Variants in MAGI2 observed in about 807,000 individuals in gnomAD.
MAGI2 encodes the protein membrane-associated guanylate kinase, WW and PDZ domain-containing protein 2.
In MAGI2, 35 loss-of-function variants were observed where a neutral mutation model predicts 133.3. The observed-to-expected ratio is 0.26, with a 90% confidence interval of 0.20 to 0.35. MAGI2 has a LOEUF of 0.35. MAGI2 is among the 10% of genes least tolerant of loss of function. MAGI2 has a pLI of 1.00. For missense variants in MAGI2, 1,636 were observed against 1,863.4 expected, an observed-to-expected ratio of 0.88 and a Z score of 2.25; for synonymous variants, 729 against 710.6, an observed-to-expected ratio of 1.03 and a Z score of -0.41.
intron 3 of MAGI2, among the ~76,000 whole-genome samples, chr7:78,604,745 C>T (rs556516678): frequency 6.6e-6 from 1 of 152,276 alleles, no homozygotes; most frequent in African/African-American, 2.4e-5. Context: ...TTCTCTGTTT[C>T]AATATATTGT....
intron 1 of MAGI2, chr7:79,177,181 A>G (rs532479000): frequency 2.0e-5 from 3 of 152,026 alleles, no homozygotes; most frequent in Non-Finnish European, 4.4e-5. Context: ...TTTCAATTAA[A>G]GGGAAATTAA....
chr7:78,133,194 A>G, intron 17 of MAGI2, 134 bp from the exon 18 acceptor site: 1 of 656,976 alleles, frequency 1.5e-6, no homozygotes, highest in Non-Finnish European at 2.6e-6. Context: ...AGGTTTTTAG[A>G]TAGCAGGTTA....
At chr7:78,461,560 T>A (rs921118596) in intron 6 of MAGI2, among the ~76,000 whole-genome samples, 5 of 151,998 alleles carry the variant, frequency 3.3e-5, no homozygotes, top group African/African-American at 1.2e-4. Context: ...AAACAAAGAT[T>A]TTTCCTGGTT....
intron 2 of MAGI2, among the ~76,000 whole-genome samples, chr7:78,910,260 A>ATTTT (rs1442379170): frequency 9.8e-6 from 1 of 102,354 alleles, no homozygotes; most frequent in Non-Finnish European, 2.0e-5. Context: ...ACTTAAAGTA[A>ATTTT]TTCTTTTTTT....
intron 2 of MAGI2, among the ~76,000 whole-genome samples, chr7:78,858,558 G>A (rs529928329): frequency 5.4e-4 from 82 of 152,198 alleles, no homozygotes; most frequent in African/African-American, 1.9e-3. Context: ...GTAGTTGAGC[G>A]GTTTTGAGTG....
At chr7:78,250,341 G>A (rs755031070) in intron 10 of MAGI2, among the ~76,000 whole-genome samples, 17 of 152,062 alleles carry the variant, frequency 1.1e-4, no homozygotes, top group South Asian at 1.0e-3. Flanking sequence ...TATCTTAGAC[G>A]GAGTGAAAAA....
intron 16 of MAGI2, among the ~76,000 whole-genome samples, chr7:78,144,330 C>T (rs1172904512): frequency 6.6e-6 from 1 of 152,080 alleles, no homozygotes. Context: ...CTCATTTTAT[C>T]AATGTTAGTC....
At chr7:78,056,364 G>C (rs984721519) in intron 21 of MAGI2, among the ~76,000 whole-genome samples, 3 of 152,044 alleles carry the variant, frequency 2.0e-5, no homozygotes, top group African/African-American at 7.2e-5. Context: ...AAGATATATG[G>C]ATGCATATGT....
intron 10 of MAGI2, among the ~76,000 whole-genome samples, chr7:78,238,972 C>T (rs938938313): frequency 6.6e-6 from 1 of 152,150 alleles, no homozygotes; most frequent in Non-Finnish European, 1.5e-5. Flanking sequence ...GCCAACTTAG[C>T]TCCTTGTCAT....
chr7:79,321,000 TG>T (rs1451553077), intron 1 of MAGI2, among the ~76,000 whole-genome samples: 1 of 152,158 alleles, frequency 6.6e-6, no homozygotes, highest in African/African-American at 2.4e-5. Flanking sequence ...TTGTATACTG[TG>T]GGCAGATTAC....
At chr7:78,612,980 T>G (rs1464500430) in intron 3 of MAGI2, among the ~76,000 whole-genome samples, 3 of 152,094 alleles carry the variant, frequency 2.0e-5, no homozygotes, top group African/African-American at 7.2e-5. Flanking sequence ...GAAAATGACG[T>G]TTTCTAAACT....
intron 1 of MAGI2, among the ~76,000 whole-genome samples, chr7:79,428,920 C>A (rs1741517544): frequency 6.6e-6 from 1 of 151,988 alleles, no homozygotes; most frequent in South Asian, 2.1e-4. Flanking sequence ...TTTTAGATAG[C>A]ACTTTGGATT....
At chr7:79,089,906 T>C (rs1562878216) in intron 1 of MAGI2, among the ~76,000 whole-genome samples, 1 of 151,986 alleles carries the variant, frequency 6.6e-6, no homozygotes, top group Non-Finnish European at 1.5e-5. Context: ...GATGGGTTGA[T>C]GTGTGCAGGA....
At chr7:79,026,190 A>G (rs1809864582) in intron 1 of MAGI2, among the ~76,000 whole-genome samples, 1 of 152,180 alleles carries the variant, frequency 6.6e-6, no homozygotes, top group South Asian at 2.1e-4. Context: ...AATCAAATAT[A>G]TTCTCTATTG....
chr7:79,069,667 T>C (rs1584850547), intron 1 of MAGI2, among the ~76,000 whole-genome samples: 1 of 152,230 alleles, frequency 6.6e-6, no homozygotes, highest in South Asian at 2.1e-4. Flanking sequence ...CTTGTTATTT[T>C]GCCTGTTAAT....
Position 79,453,365 on chromosome 7 carries a change from G to A in MAGI2, c.-45C>T. On this transcript the variant is annotated 5_prime_UTR_variant, in exon 1 of 22. Transcript: ENST00000354212. ...TCAGTTCCTGGGCTCCTTGGGGTTA[G>A]GGGGGCTGGTGGTGAGAGAATGAGG... 1.3e-6 allele frequency: 2 copies of A among 1,553,216 alleles called. No individual in the cohort carries two copies. The highest frequency in any genetic ancestry group is 1.2e-5 in the South Asian group (1 of 80,754).
chr7:79,093,438 T>G (rs977023275), intron 1 of MAGI2, among the ~76,000 whole-genome samples: 2 of 152,178 alleles, frequency 1.3e-5, no homozygotes, highest in Admixed American at 6.5e-5. Flanking sequence ...ACTTTTTTGT[T>G]TCCCAGTGTA....
intron 2 of MAGI2, among the ~76,000 whole-genome samples, chr7:78,713,214 T>C (rs1331643442): frequency 6.6e-6 from 1 of 152,190 alleles, no homozygotes; most frequent in Non-Finnish European, 1.5e-5. Flanking sequence ...ACTCCTAATT[T>C]GTAATGTTAC....
At chr7:79,135,808 G>T (rs1821347825) in intron 1 of MAGI2, among the ~76,000 whole-genome samples, 1 of 151,710 alleles carries the variant, frequency 6.6e-6, no homozygotes, top group African/African-American at 2.4e-5. Flanking sequence ...GGGTGTGGTG[G>T]CATACTCCTG....
Sources: gnomAD v4.1 joint callset for allele counts (sites outside exome capture counted in the v4.1 genomes callset) on GRCh38, gnomAD v4.1.1 for gene constraint, MANE v1.5 for transcripts, NCBI Gene and HGNC (gene_info 2026-07-23, HGNC 2026-07-21) for gene names.